HSD17B12: variants seen among roughly 807,000 people sequenced by gnomAD.
HSD17B12 encodes the protein hydroxysteroid 17-beta dehydrogenase 12, also known as very-long-chain 3-oxoacyl-CoA reductase.
A neutral mutation model predicts 39.3 loss-of-function variants in HSD17B12; 32 were observed. The ratio of observed to expected loss-of-function variants is 0.81; its 90% CI spans 0.61 to 1.09. The LOEUF (loss-of-function observed/expected upper bound fraction) is 1.09. Ranked by LOEUF, HSD17B12 falls within the 50% of genes least tolerant of loss-of-function variation. The pLI is 0.00. For missense variants in HSD17B12, 342 were observed against 382.9 expected (o/e 0.89, Z 0.89); for synonymous variants, 150 against 146.7 (o/e 1.02, Z -0.16).
the HSD17B12 span, among the ~76,000 whole-genome samples, chr11:43,607,924 T>G: frequency 6.6e-6 from 1 of 152,198 alleles, no homozygotes; most frequent in African/African-American, 2.4e-5. Flanking sequence ...GATCTGAGAC[T>G]GTTCCATGTA....
chr11:43,815,034 G>C (rs1452111686), intron 4 of HSD17B12, among the ~76,000 whole-genome samples: 1 of 152,084 alleles, frequency 6.6e-6, no homozygotes, highest in African/African-American at 2.4e-5. Flanking sequence ...GTTATAACTA[G>C]AACTCAAGTT....
At chr11:43,619,242 TA>T in the HSD17B12 span, among the ~76,000 whole-genome samples, 22 of 31,948 alleles carry the variant, frequency 6.9e-4, no homozygotes, top group African/African-American at 2.8e-3. Flanking sequence ...TATATATATA[TA>T]AAATATATAT....
intron 6 of HSD17B12, among the ~76,000 whole-genome samples, chr11:43,820,503 C>G (rs1189101067): frequency 2.0e-5 from 3 of 152,114 alleles, no homozygotes; most frequent in Non-Finnish European, 4.4e-5. Context: ...GTAGCAATGG[C>G]TGTTTGGAGC....
chr11:43,633,845 TGGG>T, the HSD17B12 span, among the ~76,000 whole-genome samples: 1 of 151,588 alleles, frequency 6.6e-6, no homozygotes, highest in African/African-American at 2.4e-5. Context: ...GAGGCCGAAG[TGGG>T]TGTATCACCT....
the HSD17B12 span, among the ~76,000 whole-genome samples, chr11:43,595,131 A>G: frequency 6.6e-6 from 1 of 152,226 alleles, no homozygotes; most frequent in South Asian, 2.1e-4. Context: ...GCCCCTGTTT[A>G]TTCTTGGTTT....
the HSD17B12 span, among the ~76,000 whole-genome samples, chr11:43,659,385 A>G: frequency 0.97 from 148,195 of 152,290 alleles, 72,238 homozygotes; most frequent in Middle Eastern, 1. Flanking sequence ...CGCACAGTGC[A>G]TTGCACCTAC....
chr11:43,820,872 C>T (rs1951175760), intron 6 of HSD17B12, among the ~76,000 whole-genome samples: 1 of 152,192 alleles, frequency 6.6e-6, no homozygotes, highest in South Asian at 2.1e-4. Context: ...GCCATGAACA[C>T]TGAATGACCT....
At chr11:43,585,275 T>G in the HSD17B12 span, among the ~76,000 whole-genome samples, 4 of 152,314 alleles carry the variant, frequency 2.6e-5, no homozygotes, top group African/African-American at 9.6e-5. Context: ...TAGCTGCCTT[T>G]CTGAGCTTCA....
At position 43,690,382 on chromosome 11, in the gene HSD17B12, ATATATATATATATATATATATATT is replaced by A. The variant is rs1565049634; in HGVS notation, c.160+9397_160+9420del. Among the ~76,000 whole-genome samples, 3 of 8,710 alleles carry A rather than the reference ATATATATATATATATATATATATT, an allele frequency of 3.4e-4. 1 individual carries two copies. Among genetic ancestry groups the A allele is most frequent in the African/African-American group, 5.4e-4 (1 of 1,864 alleles). The allele number at this position is 8,710 out of a possible 152,430, so 5.7% of individuals were successfully genotyped here. On this transcript the variant is annotated intron_variant, in intron 1 of 10. Transcript: ENST00000278353. ...CATACATATATATATATATATATAT[ATATATATATATATATATATATATT>A]TTTTTTTTTTTTTTTCTGAGACAGG...
intron 4 of HSD17B12, among the ~76,000 whole-genome samples, chr11:43,808,853 C>T (rs576939976): frequency 6.6e-5 from 10 of 152,282 alleles, no homozygotes; most frequent in Admixed American, 3.9e-4. Context: ...ACATGGTGTT[C>T]CAAATATCAT....
the HSD17B12 span, among the ~76,000 whole-genome samples, chr11:43,616,556 A>C: frequency 6.6e-6 from 1 of 151,978 alleles, no homozygotes; most frequent in Non-Finnish European, 1.5e-5. Context: ...TGCTTCACAT[A>C]TTTTAATTTA....
chr11:43,578,800 G>C, the HSD17B12 span: 3 of 151,960 alleles, frequency 2.0e-5, no homozygotes, highest in Non-Finnish European at 4.4e-5. Context: ...AGAAGGGGGC[G>C]GAGGGACACC....
At chr11:43,734,014 T>C (rs558443394) in intron 1 of HSD17B12, 16 of 735,942 alleles carry the variant, frequency 2.2e-5, no homozygotes, top group African/African-American at 2.1e-4. Flanking sequence ...GATTTATAGA[T>C]TGTCAATATC....
upstream of HSD17B12, among the ~76,000 whole-genome samples, chr11:43,677,717 T>C: frequency 6.6e-6 from 1 of 151,392 alleles, no homozygotes; most frequent in Non-Finnish European, 1.5e-5. Flanking sequence ...CTTGCGATAG[T>C]TTGCTGAGAA....
chr11:43,795,610 A>T (rs1462244008), intron 3 of HSD17B12, among the ~76,000 whole-genome samples: 1 of 152,156 alleles, frequency 6.6e-6, no homozygotes, highest in Non-Finnish European at 1.5e-5. Context: ...GGGACATATC[A>T]CAGAGACATA....
the HSD17B12 span, among the ~76,000 whole-genome samples, chr11:43,652,439 G>A: frequency 6.6e-6 from 1 of 152,142 alleles, no homozygotes; most frequent in South Asian, 2.1e-4. Context: ...GCAGGCACCA[G>A]CTGGGTGTCT....
rs1206545700 is a variant in HSD17B12, at chr11:43,690,404, A to ATTTTTT, written c.160+9429_160+9434dup. On this transcript the variant is annotated intron_variant, in intron 1 of 10. Transcript: ENST00000278353. ...TATATATATATATATATATATATAT[A>ATTTTTT]TTTTTTTTTTTTTTTTTCTGAGACA... Among the ~76,000 whole-genome samples, 49 of 24,950 alleles carry ATTTTTT rather than the reference A, an allele frequency of 2.0e-3. 7 individuals are homozygous for ATTTTTT. Among genetic ancestry groups the ATTTTTT allele is most frequent in the Non-Finnish European group, 2.6e-3 (38 of 14,562 alleles). 16.4% of individuals were successfully genotyped at this position (24,950 alleles called of 152,430 possible).
chr11:43,595,641 T>C, the HSD17B12 span, among the ~76,000 whole-genome samples: 2 of 152,332 alleles, frequency 1.3e-5, no homozygotes, highest in South Asian at 4.1e-4. Context: ...TTAACCTTTG[T>C]TAATTTCTTA....
chr11:43,614,285 G>A, the HSD17B12 span, among the ~76,000 whole-genome samples: 18 of 152,142 alleles, frequency 1.2e-4, no homozygotes, highest in Non-Finnish European at 2.2e-4. Context: ...AATTTTCAAT[G>A]ACAAGTTTTT....
Sources: gnomAD v4.1 joint callset for allele counts (sites outside exome capture counted in the v4.1 genomes callset) on GRCh38, gnomAD v4.1.1 for gene constraint, MANE v1.5 for transcripts, NCBI Gene and HGNC (gene_info 2026-07-23, HGNC 2026-07-21) for gene names.